The following DMD variants were observed in gnomAD, a reference collection of about 807,000 sequenced individuals.
DMD encodes the protein dystrophin.
In DMD, 63 loss-of-function variants were observed where a neutral mutation model predicts 330.1. The observed-to-expected ratio is 0.19, with a 90% CI of 0.16 to 0.24. DMD has a LOEUF of 0.24. Ranked by LOEUF, DMD falls within the 10% of genes least tolerant of loss-of-function variation. DMD has a pLI of 1.00. For missense variants in DMD, 3,344 were observed against 2,684.1 expected (o/e 1.25, Z -5.43); for synonymous variants, 1,223 against 959.8 (o/e 1.27, Z -5.07).
intron 76 of DMD, 126 bp downstream of exon 76, chrX:31,146,165 A>G (rs923736935): frequency 1.2e-6 from 1 of 846,157 alleles, no homozygotes; most frequent in African/African-American, 2.0e-5. Context: ...TTCGCCTGGT[A>G]TATGATTTTC....
intron 37 of DMD, among the ~76,000 whole-genome samples, chrX:32,359,113 C>G (rs1224723326): frequency 9.0e-6 from 1 of 111,454 alleles, no homozygotes; most frequent in South Asian, 3.8e-4. Flanking sequence ...TCTCACCATA[C>G]TGCTCCTTGC....
intron 61 of DMD, among the ~76,000 whole-genome samples, chrX:31,341,883 GCGCGCGCGCACA>G (rs1454408845): frequency 3.7e-5 from 2 of 53,398 alleles, no homozygotes; most frequent in African/African-American, 2.2e-4. Flanking sequence ...GCGCGTGCGT[GCGCGCGCGCACA>G]CACACACACA....
chrX:32,980,055 C>T (rs959424344), intron 2 of DMD, among the ~76,000 whole-genome samples: 1 of 110,374 alleles, frequency 9.1e-6, no homozygotes, highest in African/African-American at 3.3e-5. Flanking sequence ...ACATTTATTC[C>T]ATTTGCCATA....
At chrX:32,813,908 A>G (rs942087322) in intron 6 of DMD, among the ~76,000 whole-genome samples, 1 of 112,051 alleles carries the variant, frequency 8.9e-6, no homozygotes, top group Non-Finnish European at 1.9e-5. Context: ...ATTAGGAAAT[A>G]CCTGGGGATG....
chrX:32,176,182 T>C (rs1236096917), intron 44 of DMD, among the ~76,000 whole-genome samples: 2 of 112,185 alleles, frequency 1.8e-5, no homozygotes, highest in East Asian at 5.6e-4. Flanking sequence ...ATTGAAGACT[T>C]TTTCAAGATT....
rs749118317 is a variant in DMD at position 32,850,380 on chromosome X, T to C, written c.94-560A>G. ...GAAACAACCCTGTGAGAGCTTTTCA[T>C]CTATTTTACTCAGTTCTTTGCTCAG... On this transcript the variant is annotated intron_variant, in intron 2 of 78. Coordinates refer to ENST00000357033, the MANE Select transcript of DMD (RefSeq NM_004006.3). Among the ~76,000 whole-genome samples, 7 of 112,192 alleles carry C rather than the reference T, an allele frequency of 6.2e-5. No homozygotes were observed. In the South Asian group the frequency reaches 2.6e-3, roughly 41 times the overall value.
intron 43 of DMD, among the ~76,000 whole-genome samples, chrX:32,263,415 A>C (rs1250054447): frequency 8.9e-6 from 1 of 112,491 alleles, no homozygotes; most frequent in Non-Finnish European, 1.9e-5. Flanking sequence ...TAATAAATCC[A>C]TTCAGCATTT....
At chrX:31,205,430 C>T (rs952339505) in intron 66 of DMD, among the ~76,000 whole-genome samples, 1 of 112,074 alleles carries the variant, frequency 8.9e-6, no homozygotes. Flanking sequence ...AACCTAAAAA[C>T]ATGTTCCCTC....
At chrX:32,538,103 G>A (rs1228908173) in intron 17 of DMD, among the ~76,000 whole-genome samples, 1 of 112,015 alleles carries the variant, frequency 8.9e-6, no homozygotes, top group East Asian at 2.8e-4. Context: ...AAGCAGTAAG[G>A]TGTCACAAGA....
intron 52 of DMD, among the ~76,000 whole-genome samples, chrX:31,722,205 G>A (rs370973630): frequency 3.4e-4 from 37 of 109,912 alleles, no homozygotes; most frequent in Non-Finnish European, 6.4e-4. Context: ...TGCAACCTCC[G>A]CCTCCCGGGT....
chrX:32,754,019 C>A (rs1412930976), intron 7 of DMD, among the ~76,000 whole-genome samples: 1 of 111,044 alleles, frequency 9.0e-6, no homozygotes, highest in African/African-American at 3.3e-5. Flanking sequence ...AGATTTGTGC[C>A]ATCTGCAAAA....
At chrX:32,872,803 T>A (rs898100521) in intron 2 of DMD, among the ~76,000 whole-genome samples, 3 of 111,799 alleles carry the variant, frequency 2.7e-5, no homozygotes, top group African/African-American at 9.7e-5. Flanking sequence ...GTAATAGAGA[T>A]GCTTTTACAG....
At chrX:31,680,255 T>C (rs1181893930) in intron 52 of DMD, among the ~76,000 whole-genome samples, 1 of 112,114 alleles carries the variant, frequency 8.9e-6, no homozygotes, top group Non-Finnish European at 1.9e-5. Context: ...GTCTCATTTT[T>C]CCACTCTTCT....
At chrX:32,472,042 C>T in intron 22 of DMD, 122 bp downstream of exon 22, 3 of 885,325 alleles carry the variant, frequency 3.4e-6, no homozygotes, top group East Asian at 6.5e-5. Flanking sequence ...TTTTCATTTG[C>T]TCAATGGGCA....
intron 55 of DMD, among the ~76,000 whole-genome samples, chrX:31,567,705 T>G (rs1177745659): frequency 9.0e-6 from 1 of 110,918 alleles, no homozygotes; most frequent in Admixed American, 9.6e-5. Flanking sequence ...CATTTTATTC[T>G]CAATACTGCT....
At chrX:32,539,125 T>C (rs1008479410) in intron 17 of DMD, among the ~76,000 whole-genome samples, 1 of 111,239 alleles carries the variant, frequency 9.0e-6, no homozygotes, top group Non-Finnish European at 1.9e-5. Context: ...ATTTAATAGA[T>C]GGTTATCTTT....
chrX:31,693,762 G>GATGTCAC (rs981725669), intron 52 of DMD, among the ~76,000 whole-genome samples: 3 of 111,524 alleles, frequency 2.7e-5, no homozygotes, highest in Non-Finnish European at 5.7e-5. Context: ...AGACACTGAC[G>GATGTCAC]AAAGAAATTG....
intron 1 of DMD, among the ~76,000 whole-genome samples, chrX:33,199,932 A>G (rs762202159): frequency 2.7e-5 from 3 of 111,920 alleles, no homozygotes; most frequent in Non-Finnish European, 5.6e-5. Flanking sequence ...GAAGTCCTCT[A>G]CTTCACTTGA....
At chrX:31,754,247 A>T (rs1279962380) in intron 51 of DMD, among the ~76,000 whole-genome samples, 1 of 111,802 alleles carries the variant, frequency 8.9e-6, no homozygotes. Context: ...CCATGAAATT[A>T]GGAGGGTAAA....
Sources: gnomAD v4.1 joint callset for allele counts (sites outside exome capture counted in the v4.1 genomes callset) on GRCh38, gnomAD v4.1.1 for gene constraint, MANE v1.5 for transcripts, NCBI Gene and HGNC (gene_info 2026-07-23, HGNC 2026-07-21) for gene names.